SLC8A1: variants seen among roughly 807,000 people sequenced by gnomAD.
The protein encoded by SLC8A1 is sodium/calcium exchanger 1.
SLC8A1 carries 18 observed loss-of-function variants against 68.3 expected under a neutral mutation model. The observed-to-expected ratio is 0.26, with a 90% CI of 0.18 to 0.39. SLC8A1 has a LOEUF of 0.39. SLC8A1 is among the 10% of genes least tolerant of loss of function. The pLI is 1.00. For missense variants in SLC8A1, 985 were observed against 1,156.7 expected (o/e 0.85, Z 2.15); for synonymous variants, 475 against 415.5 (o/e 1.14, Z -1.74).
intron 2 of SLC8A1, among the ~76,000 whole-genome samples, chr2:40,305,501 G>A (rs899302779): frequency 2.0e-5 from 3 of 152,128 alleles, no homozygotes; most frequent in Admixed American, 6.6e-5. Context: ...TAACTGAGAG[G>A]ATGGATCAAG....
chr2:40,301,522 C>T (rs2071446606), intron 2 of SLC8A1, among the ~76,000 whole-genome samples: 1 of 149,766 alleles, frequency 6.7e-6, no homozygotes, highest in African/African-American at 2.4e-5. Flanking sequence ...TGTTCTCACT[C>T]ATAAATGGGA....
intron 2 of SLC8A1, among the ~76,000 whole-genome samples, chr2:40,389,920 C>T (rs1430997805): frequency 1.3e-5 from 2 of 150,854 alleles, no homozygotes; most frequent in African/African-American, 4.9e-5. Flanking sequence ...TATTTTCTTC[C>T]AATTTATAGA....
intron 7 of SLC8A1, among the ~76,000 whole-genome samples, chr2:40,126,724 T>A (rs1448386853): frequency 2.0e-5 from 3 of 152,148 alleles, no homozygotes; most frequent in Non-Finnish European, 4.4e-5. Flanking sequence ...CTCCCCCACA[T>A]AAACACTCTC....
intron 1 of SLC8A1, among the ~76,000 whole-genome samples, chr2:40,432,409 G>GTGTGTGTGTGTGTT: frequency 6.9e-6 from 1 of 144,148 alleles, no homozygotes; most frequent in East Asian, 2.0e-4. Context: ...GATTGTGTGT[G>GTGTGTGTGTGTGTT]TGTGTGTGTG....
In SLC8A1 at chr2:40,341,149, G is replaced by A. The variant is rs531165434; in HGVS notation, c.1808+87324C>T. 4.7e-4 allele frequency among the ~76,000 whole-genome samples: 72 copies of A among 152,250 alleles called. 1 individual carries two copies. In the South Asian group the frequency reaches 0.015, roughly 31 times the overall value. On this transcript the variant is annotated intron_variant, in intron 2 of 7. Transcript: ENST00000406785. ...TTGGTGTGTACTAGCTTTGCTTTGTGTACTCCCTGGCTCTCTTTGCCTTAT... is the reference window on the plus strand; with the variant it reads ...TTGGTGTGTACTAGCTTTGCTTTGTATACTCCCTGGCTCTCTTTGCCTTAT...
intron 2 of SLC8A1, among the ~76,000 whole-genome samples, chr2:40,303,420 T>G (rs1480018033): frequency 1.3e-5 from 2 of 152,178 alleles, no homozygotes; most frequent in Non-Finnish European, 2.9e-5. Flanking sequence ...CACCCATTGA[T>G]AGCTTTGCTA....
intron 2 of SLC8A1, among the ~76,000 whole-genome samples, chr2:40,296,927 C>A (rs1377982979): frequency 6.6e-6 from 1 of 152,174 alleles, no homozygotes; most frequent in East Asian, 1.9e-4. Context: ...TCCCTCTAGA[C>A]CAGGCTGATG....
chr2:40,272,754 C>A (rs1429427632), intron 2 of SLC8A1, among the ~76,000 whole-genome samples: 1 of 152,198 alleles, frequency 6.6e-6, no homozygotes, highest in African/African-American at 2.4e-5. Flanking sequence ...CTATGTTTTA[C>A]TTAAAGAAGA....
chr2:40,345,929 T>G (rs368080692), intron 2 of SLC8A1, among the ~76,000 whole-genome samples: 1 of 151,170 alleles, frequency 6.6e-6, no homozygotes. Context: ...GGTTGACAGG[T>G]GCAGCAAACC....
intron 1 of SLC8A1, among the ~76,000 whole-genome samples, chr2:40,464,633 G>A (rs572393838): frequency 2.0e-5 from 3 of 152,282 alleles, no homozygotes; most frequent in African/African-American, 7.2e-5. Context: ...GAATGGAGTG[G>A]TGTGGGGTTT....
intron 2 of SLC8A1, among the ~76,000 whole-genome samples, chr2:40,285,340 T>C (rs1005039662): frequency 1.3e-5 from 2 of 152,076 alleles, no homozygotes; most frequent in South Asian, 2.1e-4. Flanking sequence ...GACAGACCCA[T>C]GCTTTCAGTA....
chr2:40,400,952 A>G (rs1688547857), intron 2 of SLC8A1, among the ~76,000 whole-genome samples: 1 of 152,126 alleles, frequency 6.6e-6, no homozygotes, highest in Non-Finnish European at 1.5e-5. Flanking sequence ...AGAGAGGAGG[A>G]GAAAAAGGAA....
At chr2:40,494,293 T>C (rs1204680193) in intron 1 of SLC8A1, among the ~76,000 whole-genome samples, 2 of 151,996 alleles carry the variant, frequency 1.3e-5, no homozygotes, top group Admixed American at 6.6e-5. Flanking sequence ...AAACTCTGGC[T>C]TCCAAAGAGG....
chr2:40,274,763 A>G (rs781663569), intron 2 of SLC8A1, among the ~76,000 whole-genome samples: 5 of 152,246 alleles, frequency 3.3e-5, no homozygotes, highest in Admixed American at 2.0e-4. Context: ...GAGAAAGAAC[A>G]GTAAACATTT....
At chr2:40,329,533 T>C (rs1318775063) in intron 2 of SLC8A1, among the ~76,000 whole-genome samples, 1 of 152,194 alleles carries the variant, frequency 6.6e-6, no homozygotes, top group Non-Finnish European at 1.5e-5. Context: ...CATTCACAGA[T>C]GTGAGGAAGA....
intron 2 of SLC8A1, among the ~76,000 whole-genome samples, chr2:40,409,371 C>A (rs1361362675): frequency 6.6e-6 from 1 of 151,946 alleles, no homozygotes; most frequent in Admixed American, 6.6e-5. Flanking sequence ...TGCATTATGG[C>A]CAAAAGATAA....
intron 2 of SLC8A1, among the ~76,000 whole-genome samples, chr2:40,383,812 G>A (rs189996450): frequency 3.7e-4 from 56 of 152,216 alleles, no homozygotes; most frequent in African/African-American, 1.3e-3. Context: ...ACGTGTGATA[G>A]GGAAATTGTC....
chr2:40,476,420 A>ATTTCAGTCTTCAGAAAG (rs1704301137), intron 1 of SLC8A1, among the ~76,000 whole-genome samples: 2 of 152,250 alleles, frequency 1.3e-5, no homozygotes, highest in Non-Finnish European at 2.9e-5. Flanking sequence ...ACTGAAAATA[A>ATTTCAGTCTTCAGAAAG]ACAAAGATAT....
chr2:40,506,637 G>T (rs1038469670), intron 1 of SLC8A1, among the ~76,000 whole-genome samples: 15 of 151,780 alleles, frequency 9.9e-5, no homozygotes, highest in African/African-American at 3.4e-4. Context: ...ATCTATCAGG[G>T]TCTATAGATT....
Sources: gnomAD v4.1 joint callset for allele counts (sites outside exome capture counted in the v4.1 genomes callset) on GRCh38, gnomAD v4.1.1 for gene constraint, MANE v1.5 for transcripts, NCBI Gene and HGNC (gene_info 2026-07-23, HGNC 2026-07-21) for gene names.